The following PPM1L variants were observed in gnomAD, a reference collection of about 807,000 sequenced individuals.
The protein encoded by PPM1L is protein phosphatase 1L.
In PPM1L, 13 loss-of-function variants were observed where a neutral mutation model predicts 31.4. The observed-to-expected ratio is 0.41, with a 90% CI of 0.27 to 0.66. The LOEUF is 0.66. PPM1L is among the 30% of genes least tolerant of loss of function. The probability of loss-of-function intolerance (pLI) is 0.29; values close to 1 mark genes in which losing one functional copy is unlikely to be tolerated. For synonymous variants in PPM1L, 184 were observed against 175.4 expected, an observed-to-expected ratio of 1.05 and a Z score of -0.39; for missense variants, 326 against 453.7, an observed-to-expected ratio of 0.72 and a Z score of 2.56.
chr3:160,919,881 T>C (rs182756639), intron 1 of PPM1L, among the ~76,000 whole-genome samples: 1 of 152,172 alleles, frequency 6.6e-6, no homozygotes, highest in Non-Finnish European at 1.5e-5. Flanking sequence ...ATTACTTAAA[T>C]TGGTTTTTGA....
chr3:160,797,908 A>T (rs1192130200), intron 1 of PPM1L, among the ~76,000 whole-genome samples: 1 of 152,204 alleles, frequency 6.6e-6, no homozygotes, highest in Non-Finnish European at 1.5e-5. Flanking sequence ...GGCCGGGCAC[A>T]GTGGCTCACG....
At chr3:161,027,693 A>G (rs571742475) in intron 2 of PPM1L, among the ~76,000 whole-genome samples, 1 of 152,344 alleles carries the variant, frequency 6.6e-6, no homozygotes, top group African/African-American at 2.4e-5. Flanking sequence ...GCCAAACCAT[A>G]TCACCTAGGA....
intron 1 of PPM1L, among the ~76,000 whole-genome samples, chr3:160,832,440 A>G (rs1228338358): frequency 6.6e-6 from 1 of 152,204 alleles, no homozygotes; most frequent in Non-Finnish European, 1.5e-5. Context: ...TGGGGAATCT[A>G]CTGTGGCTGG....
intron 1 of PPM1L, among the ~76,000 whole-genome samples, chr3:160,922,315 A>T (rs1427055918): frequency 6.6e-6 from 1 of 152,174 alleles, no homozygotes. Flanking sequence ...GTCTAAAAAA[A>T]ATATATTACA....
Position 160,813,668 on chromosome 3 carries a change from TA to T in PPM1L, c.399+56968del, listed in dbSNP as rs1294148827. ...ATTACTTCTATAACCAGATAAAATT[TA>T]AAAAAATTAGCGATGTTCTGTGAAC... On this transcript the variant is annotated intron_variant, in intron 1 of 3. Transcript: ENST00000498165. Among the ~76,000 whole-genome samples, 5 of 152,134 alleles carry T rather than the reference TA, an allele frequency of 3.3e-5. No homozygotes were observed. The East Asian group carries it at 9.6e-4, about 29-fold the overall frequency.
At chr3:161,007,768 T>C (rs1178137867) in intron 2 of PPM1L, among the ~76,000 whole-genome samples, 1 of 152,114 alleles carries the variant, frequency 6.6e-6, no homozygotes, top group Admixed American at 6.6e-5. Context: ...TGAATAGACT[T>C]TGGTTTTTAC....
rs1177006210 is a variant in PPM1L, at chr3:161,078,270, G to A, written c.*9113G>A. On this transcript the variant is annotated 3_prime_UTR_variant, in exon 4 of 4. Coordinates refer to ENST00000498165, the MANE Select transcript of PPM1L (RefSeq NM_139245.4). ...TTTTGGGGAACAGTATAATGTCTCA[G>A]AAGTTCTTCTCTCTTATCCTGCTGA... The A allele has an allele frequency of 6.6e-6, 1 of 152,198 alleles. No individual in the cohort carries two copies. Among genetic ancestry groups the A allele is most frequent in the African/African-American group, 2.4e-5 (1 of 41,454 alleles). The allele number at this position is 152,198 out of a possible 1,614,324, so 9.4% of individuals were successfully genotyped here.
intron 2 of PPM1L, among the ~76,000 whole-genome samples, chr3:161,047,241 G>A (rs1026773287): frequency 6.6e-6 from 1 of 152,178 alleles, no homozygotes; most frequent in East Asian, 1.9e-4. Context: ...CTTCAGCAAA[G>A]TCTCAGTATA....
chr3:160,858,139 T>C (rs536278017), intron 1 of PPM1L, among the ~76,000 whole-genome samples: 9 of 152,368 alleles, frequency 5.9e-5, no homozygotes, highest in African/African-American at 1.7e-4. Flanking sequence ...GGACTATTGA[T>C]AGAATATGGA....
chr3:160,834,571 T>A (rs1182270788), intron 1 of PPM1L, among the ~76,000 whole-genome samples: 1 of 152,040 alleles, frequency 6.6e-6, no homozygotes, highest in Non-Finnish European at 1.5e-5. Context: ...TTTGTATTCA[T>A]ATCCCCTATC....
chr3:160,939,536 A>G (rs188715321), intron 1 of PPM1L: 1 of 152,430 alleles, frequency 6.6e-6, no homozygotes, highest in African/African-American at 2.4e-5. Context: ...GAGGTAATTG[A>G]ATCATGGGGC....
intron 2 of PPM1L, among the ~76,000 whole-genome samples, chr3:160,964,399 A>G (rs577181541): frequency 5.9e-5 from 9 of 151,992 alleles, no homozygotes; most frequent in African/African-American, 2.2e-4. Context: ...AAAAGAAAAA[A>G]TATATTTACT....
At chr3:161,054,241 C>T (rs1255976797) in intron 2 of PPM1L, among the ~76,000 whole-genome samples, 1 of 152,050 alleles carries the variant, frequency 6.6e-6, no homozygotes, top group South Asian at 2.1e-4. Context: ...ATATCCTTTG[C>T]CTCAGATGTT....
intron 1 of PPM1L, among the ~76,000 whole-genome samples, chr3:160,765,029 T>C (rs1351345960): frequency 6.6e-6 from 1 of 152,240 alleles, no homozygotes; most frequent in Non-Finnish European, 1.5e-5. Context: ...TTATTGATGG[T>C]AATAACAATT....
chr3:160,917,828 C>T (rs1006134913), intron 1 of PPM1L, among the ~76,000 whole-genome samples: 4 of 152,184 alleles, frequency 2.6e-5, no homozygotes, highest in Admixed American at 2.0e-4. Context: ...GGTACACCAA[C>T]AATGTGATGG....
At chr3:161,066,907 G>A (rs1290497491) in intron 3 of PPM1L, among the ~76,000 whole-genome samples, 1 of 152,202 alleles carries the variant, frequency 6.6e-6, no homozygotes, top group Non-Finnish European at 1.5e-5. Context: ...TCCTGCTTCA[G>A]TGACTGCTTG....
chr3:161,000,358 A>T (rs1717444105), intron 2 of PPM1L, among the ~76,000 whole-genome samples: 1 of 152,206 alleles, frequency 6.6e-6, no homozygotes, highest in Non-Finnish European at 1.5e-5. Flanking sequence ...ACCTTTCAGG[A>T]GCACACACAA....
intron 1 of PPM1L, among the ~76,000 whole-genome samples, chr3:160,913,730 G>A (rs530424842): frequency 6.6e-6 from 1 of 152,246 alleles, no homozygotes; most frequent in East Asian, 1.9e-4. Context: ...TTATATGTCA[G>A]TAGTTCATTC....
chr3:160,756,377 C>T lies in PPM1L; in HGVS notation c.69C>T (p.Pro23=). ...TCATGCGCTACTTCTTGCTGAGACC[C>T]GAGACGCTTTTCCTGCTGTGCATCA... ...GRIMRYFLLR[P]ETLFLLCISL... Residue 23 remains proline, a synonymous_variant, in exon 1 of 4, where the codon CCC becomes CCT. Coordinates refer to ENST00000498165, the MANE Select transcript of PPM1L (RefSeq NM_139245.4). The surrounding 1 kb of genome is among the most constrained non-coding windows in gnomAD (Gnocchi z 6.2). 2 of 1,614,198 alleles carry T rather than the reference C, an allele frequency of 1.2e-6. No individual in the cohort carries two copies. Among genetic ancestry groups the T allele is most frequent in the Non-Finnish European group, 1.7e-6 (2 of 1,180,018 alleles).
Sources: gnomAD v4.1 joint callset for allele counts (sites outside exome capture counted in the v4.1 genomes callset) on GRCh38, gnomAD v4.1.1 for gene constraint, Gnocchi (gnomAD v3.1) non-coding constraint, MANE v1.5 for transcripts, NCBI Gene and HGNC (gene_info 2026-07-23, HGNC 2026-07-21) for gene names.